The following AFG3L2 variants were observed in gnomAD, a reference collection of about 807,000 sequenced individuals.
AFG3L2 encodes AFG3 like matrix AAA peptidase subunit 2, also known as mitochondrial inner membrane m-AAA protease component AFG3L2.
Under a neutral mutation model 94.5 loss-of-function variants are expected in AFG3L2, and 54 were observed. The ratio of observed to expected loss-of-function variants is 0.57; its 90% CI spans 0.46 to 0.72. The LOEUF (loss-of-function observed/expected upper bound fraction) is 0.72. Ranked by LOEUF, AFG3L2 falls within the 30% of genes least tolerant of loss-of-function variation. AFG3L2 has a pLI of 0.00. For missense variants in AFG3L2, 754 were observed against 994.9 expected, an observed-to-expected ratio of 0.76 and a Z score of 3.26; for synonymous variants, 377 against 365.5, an observed-to-expected ratio of 1.03 and a Z score of -0.36.
chr18:12,376,946 C>T, intron 1 of AFG3L2, 23 bp downstream of exon 1: 1 of 1,414,398 alleles, frequency 7.1e-7, no homozygotes, highest in Non-Finnish European at 9.2e-7. Flanking sequence ...GTGGAGGGCG[C>T]CGGGCGCCCA....
rs1378484093 is a variant in AFG3L2, at chr18:12,351,369, G to A, written c.1363C>T (p.Arg455Ter). 2.5e-6 allele frequency: 4 copies of A among 1,614,126 alleles called. No homozygotes were observed. The highest frequency in any genetic ancestry group is 2.5e-6 in the Non-Finnish European group (3 of 1,180,028). ...AGCGCGGGGTCCAGGATATCTGGTC[G>A]ATTGGTGCCGGCCAAAATGACGACA... Reference protein sequence around the residue: ...TNVVILAGTNRPDILDPALLR... With the variant: ...TNVVILAGTN Residue 455 changes from arginine to a stop codon, truncating the protein, a stop_gained, in exon 11 of 17, where the codon CGA (arginine) becomes TGA (stop). Transcript: ENST00000269143. LOFTEE classifies it high-confidence loss of function.
chr18:12,332,684 AT>A (rs201207859), intron 16 of AFG3L2, among the ~76,000 whole-genome samples: 52 of 144,260 alleles, frequency 3.6e-4, no homozygotes, highest in African/African-American at 1.1e-3. Context: ...ATATATATAT[AT>A]TTTTTGTCTA....
intron 12 of AFG3L2, among the ~76,000 whole-genome samples, chr18:12,349,135 A>G (rs970343155): frequency 3.3e-5 from 5 of 152,214 alleles, no homozygotes; most frequent in African/African-American, 1.2e-4. Context: ...ATTTTACATT[A>G]AAAAATTATT....
chr18:12,333,760 GACATTTAACAGTTCTCGATTC>G (rs1907659323), intron 16 of AFG3L2, among the ~76,000 whole-genome samples: 1 of 152,112 alleles, frequency 6.6e-6, no homozygotes, highest in Admixed American at 6.6e-5. Context: ...GCATGCACTT[GACATTTAACAGTTCTCGATTC>G]ACAGCGGCCA....
chr18:12,368,176 AT>A (rs1908867598), intron 3 of AFG3L2, among the ~76,000 whole-genome samples: 1 of 151,348 alleles, frequency 6.6e-6, no homozygotes, highest in African/African-American at 2.4e-5. Context: ...TCAAAAAAAA[AT>A]AAAAAATAAA....
intron 1 of AFG3L2, 101 bp from the exon 2 acceptor site, chr18:12,371,792 C>G (rs1432776592): frequency 2.1e-6 from 2 of 948,680 alleles, no homozygotes; most frequent in East Asian, 5.2e-5. Context: ...TCTCTCTCTT[C>G]CACAGGTGGT....
chr18:12,352,953 C>CAAA, intron 10 of AFG3L2, 52 bp downstream of exon 10: 5 of 1,328,914 alleles, frequency 3.8e-6, no homozygotes, highest in Non-Finnish European at 3.1e-6. Context: ...GACTCCATCT[C>CAAA]AAAAAAAAAA....
At chr18:12,349,638 A>G (rs1908250365) in intron 12 of AFG3L2, among the ~76,000 whole-genome samples, 2 of 152,134 alleles carry the variant, frequency 1.3e-5, no homozygotes, top group Non-Finnish European at 2.9e-5. Flanking sequence ...GTGAACATAA[A>G]CCAGGCACAA....
At chr18:12,356,880 T>A in intron 8 of AFG3L2, 49 bp from the exon 9 acceptor site, 1 of 1,570,246 alleles carries the variant, frequency 6.4e-7, no homozygotes, top group Non-Finnish European at 8.7e-7. Context: ...TCCAGAAAAG[T>A]AAATTGTGTA....
In AFG3L2 at chr18:12,370,937, A is replaced by G. The variant is rs779038166; in HGVS notation, c.215-11T>C. The G allele has an allele frequency of 1.4e-6, 2 of 1,476,410 alleles. No homozygotes were observed. Among genetic ancestry groups the G allele is most frequent in the Non-Finnish European group, 9.4e-7 (1 of 1,067,170 alleles). 91.5% of individuals were successfully genotyped at this position (1,476,410 alleles called of 1,614,324 possible). A position where few individuals can be genotyped will look rare whatever the true frequency, so the allele number is the denominator to read the frequency against. ...AGTATTTTTCAAATCCTGTTAGAAA[A>G]AGAAAAAAAATACTTATCTTCAAAC... On this transcript the variant is annotated splice_polypyrimidine_tract_variant and intron_variant, in intron 2 of 16. Coordinates refer to ENST00000269143, the MANE Select transcript of AFG3L2 (RefSeq NM_006796.3).
At chr18:12,357,097 AGT>A (rs1908520086) in intron 8 of AFG3L2, among the ~76,000 whole-genome samples, 1 of 152,184 alleles carries the variant, frequency 6.6e-6, no homozygotes. Context: ...TTAGACCTTT[AGT>A]CTAACAGTAT....
rs1908035215 is a variant in AFG3L2 at position 12,343,879 on chromosome 18, C to T, written c.1779+253G>A. The T allele has an allele frequency of 5.5e-6, 3 of 546,316 alleles. No individual in the cohort carries two copies. The East Asian group carries it at 9.6e-5, about 18-fold the overall frequency. The allele number at this position is 546,316 out of a possible 1,614,324, so 33.8% of individuals were successfully genotyped here. A position where few individuals can be genotyped will look rare whatever the true frequency, so the allele number is the denominator to read the frequency against. ...CAGTTCAAACCCACTGCAACTGCTG[C>T]TTTATAGGAGCAAACTCTCCAGCTC... On this transcript the variant is annotated intron_variant, in intron 14 of 16. Coordinates refer to ENST00000269143, the MANE Select transcript of AFG3L2 (RefSeq NM_006796.3).
chr18:12,370,701 C>G, intron 3 of AFG3L2, 148 bp downstream of exon 3: 1 of 593,494 alleles, frequency 1.7e-6, no homozygotes, highest in Non-Finnish European at 3.1e-6. Context: ...TCAAGTGATC[C>G]ACCCGCCTAG....
chr18:12,371,402 A>G (rs1396126244), intron 2 of AFG3L2, among the ~76,000 whole-genome samples, 190 bp downstream of exon 2: 1 of 152,066 alleles, frequency 6.6e-6, no homozygotes, highest in African/African-American at 2.4e-5. Context: ...TTCACAACCC[A>G]GAAGTGTTAA....
Position 12,362,762 on chromosome 18 carries a change from C to T in AFG3L2, c.627+1020G>A, listed in dbSNP as rs1183977521. ...CTGGGCTATTTCTCATTTTTTGCTA[C>T]GTATAGACAATGTGTGAGAGGACGT... On this transcript the variant is annotated intron_variant, in intron 6 of 16. Transcript: ENST00000269143. Among the ~76,000 whole-genome samples the T allele has an allele frequency of 3.9e-5, 6 of 152,220 alleles. No homozygotes were observed. In the East Asian group the frequency reaches 5.8e-4, roughly 15 times the overall value.
rs1431908917 is a variant in AFG3L2, at chr18:12,329,165, TGAG to T, written c.*397_*399del. 6 of 702,846 alleles carry T rather than the reference TGAG, an allele frequency of 8.5e-6. No individual in the cohort carries two copies. The highest frequency in any genetic ancestry group is 4.0e-5 in the Admixed American group (2 of 49,996). The allele number at this position is 702,846 out of a possible 1,614,324, so 43.5% of individuals were successfully genotyped here. On this transcript the variant is annotated 3_prime_UTR_variant, in exon 17 of 17. Transcript: ENST00000269143. ...TCACAGCCCATCTGCACAGGGGAAC[TGAG>T]GAGAAACAGGAATGAAGAGTGGGCG...
At chr18:12,364,452 C>T (rs756687374) in intron 5 of AFG3L2, among the ~76,000 whole-genome samples, 1 of 152,266 alleles carries the variant, frequency 6.6e-6, no homozygotes, top group African/African-American at 2.4e-5. Context: ...GCAGGGTATA[C>T]ATACCTTTGA....
intron 14 of AFG3L2, chr18:12,341,609 T>C (rs1324235576): frequency 6.6e-6 from 1 of 152,238 alleles, no homozygotes; most frequent in Admixed American, 6.5e-5. Flanking sequence ...CATTCATTTT[T>C]ACTGCTGTGT....
intron 3 of AFG3L2, among the ~76,000 whole-genome samples, chr18:12,368,154 T>G (rs1213016541): frequency 6.8e-6 from 1 of 147,890 alleles, no homozygotes; most frequent in African/African-American, 2.5e-5. Flanking sequence ...GCAACAAGCG[T>G]GAAACTCCGT....
Sources: allele counts gnomAD v4.1 joint callset (sites outside exome capture counted in the v4.1 genomes callset), GRCh38; gene constraint gnomAD v4.1.1; transcripts MANE v1.5; gene names NCBI Gene and HGNC (gene_info 2026-07-23, HGNC 2026-07-21).